The following SLCO5A1 variants were observed in gnomAD, a reference collection of about 807,000 sequenced individuals.
SLCO5A1 encodes the protein solute carrier organic anion transporter family member 5A1, also known as organic anion transporter polypeptide-related protein 4.
A neutral mutation model predicts 65.1 loss-of-function variants in SLCO5A1; 39 were observed. That is an observed-to-expected ratio of 0.60 (90% CI 0.46 to 0.78). The LOEUF (loss-of-function observed/expected upper bound fraction) is 0.78. SLCO5A1 is among the 30% of genes least tolerant of loss of function. The pLI, the probability that SLCO5A1 is intolerant of heterozygous loss-of-function variation, is 0.00. For synonymous variants in SLCO5A1, 438 were observed against 415.7 expected (o/e 1.05, Z -0.65); for missense variants, 1,029 against 1,069.4 (o/e 0.96, Z 0.53).
Position 69,824,732 on chromosome 8 carries a change from C to A in SLCO5A1, c.907+7035G>T, listed in dbSNP as rs527255490. On this transcript the variant is annotated intron_variant, in intron 2 of 9. Transcript: ENST00000260126. ...AACTGGTACCATTCCTTCTGAAACT[C>A]TTCCAATCAATAGAAAAAGAGGGAA... Among the ~76,000 whole-genome samples the A allele has an allele frequency of 5.3e-3, 807 of 152,162 alleles. 15 individuals carry two copies. Among genetic ancestry groups the A allele is most frequent in the African/African-American group, 0.018 (748 of 41,522 alleles).
chr8:69,832,476 A>G lies in SLCO5A1; in HGVS notation c.198T>C (p.Ser66=), dbSNP rs1019198084. ...CTTGCTTCAACTCCTGGTGGCCCGA[A>G]GAATCCACACAGCCAAAGGCCGGGT... ...DANPAFGCVD[S]SGHQELKQGP... is the part of the protein sequence containing the mutation. The change falls in exon 2 of 10, where the codon TCT becomes TCC. Residue 66 remains serine, a synonymous_variant. Coordinates refer to ENST00000260126, the MANE Select transcript of SLCO5A1 (RefSeq NM_030958.3). This position sits in a 1 kb window ranked among gnomAD's most constrained non-coding sequence, Gnocchi z 4.5. The G allele has an allele frequency of 6.2e-7, 1 of 1,612,786 alleles. No homozygotes were observed. Among genetic ancestry groups the G allele is most frequent in the African/African-American group, 1.3e-5 (1 of 75,036 alleles).
chr8:69,822,456 CT>C (rs1324800277), intron 2 of SLCO5A1, among the ~76,000 whole-genome samples: 1 of 152,226 alleles, frequency 6.6e-6, no homozygotes, highest in East Asian at 1.9e-4. Context: ...TACGAAAACA[CT>C]GATCAAAATG....
intron 6 of SLCO5A1, among the ~76,000 whole-genome samples, chr8:69,698,823 C>A (rs1004964819): frequency 6.6e-6 from 1 of 152,170 alleles, no homozygotes; most frequent in Admixed American, 6.5e-5. Context: ...TCCCTTTCCA[C>A]GGAAGTTATC....
chr8:69,772,447 C>T (rs930431401), intron 2 of SLCO5A1, among the ~76,000 whole-genome samples: 12 of 150,642 alleles, frequency 8.0e-5, no homozygotes, highest in African/African-American at 2.9e-4. Flanking sequence ...CCCTCCAGCC[C>T]GTGGGGTGAT....
intron 2 of SLCO5A1, among the ~76,000 whole-genome samples, chr8:69,829,975 T>G (rs1821089643): frequency 6.6e-6 from 1 of 152,228 alleles, no homozygotes. Context: ...GTGGGTATAC[T>G]GGTGCTTATT....
At chr8:69,711,720 G>A (rs570118656) in intron 5 of SLCO5A1, among the ~76,000 whole-genome samples, 1 of 152,282 alleles carries the variant, frequency 6.6e-6, no homozygotes, top group East Asian at 1.9e-4. Flanking sequence ...ACATTTCCAG[G>A]CCTCGGATTT....
At chr8:69,778,228 G>GT (rs1818645015) in intron 2 of SLCO5A1, among the ~76,000 whole-genome samples, 9 of 142,942 alleles carry the variant, frequency 6.3e-5, no homozygotes, top group Non-Finnish European at 1.4e-4. Context: ...ATATGTATGG[G>GT]GTGTGTGTGT....
intron 5 of SLCO5A1, among the ~76,000 whole-genome samples, chr8:69,715,532 C>T (rs564679598): frequency 3.2e-4 from 49 of 152,226 alleles, no homozygotes; most frequent in Middle Eastern, 6.8e-3. Flanking sequence ...CGTCATGACG[C>T]CCACTAATAG....
chr8:69,747,725 CT>C (rs1159608957), intron 4 of SLCO5A1, among the ~76,000 whole-genome samples: 2 of 152,198 alleles, frequency 1.3e-5, no homozygotes, highest in Non-Finnish European at 2.9e-5. Context: ...TATCTCTAAT[CT>C]TGCAGTTCCT....
chr8:69,726,523 A>G (rs1358883874), intron 5 of SLCO5A1, among the ~76,000 whole-genome samples: 1 of 135,510 alleles, frequency 7.4e-6, no homozygotes, highest in Non-Finnish European at 1.5e-5. Flanking sequence ...TTGGGGGGAC[A>G]GAGTCTCACT....
In SLCO5A1 at chr8:69,832,974, C is replaced by G. The variant is rs369342320; in HGVS notation, c.-301G>C. On this transcript the variant is annotated 5_prime_UTR_variant, in exon 2 of 10. Coordinates refer to ENST00000260126, the MANE Select transcript of SLCO5A1 (RefSeq NM_030958.3). The surrounding 1 kb of genome is among the most constrained non-coding windows in gnomAD (Gnocchi z 4.5). Reference sequence around the variant, plus strand: ...GCGGTAGCTTGAGGCAGGCGCCTCGCGCGTCCCGGGCTCATCCCCTCCGCC... The same window carrying G: ...GCGGTAGCTTGAGGCAGGCGCCTCGGGCGTCCCGGGCTCATCCCCTCCGCC... The G allele has an allele frequency of 5.1e-6, 2 of 389,078 alleles. No homozygotes were observed. Among genetic ancestry groups the G allele is most frequent in the South Asian group, 4.5e-5 (1 of 22,240 alleles). 24.1% of individuals were successfully genotyped at this position (389,078 alleles called of 1,614,324 possible).
At chr8:69,734,096 G>A (rs1184785756) in intron 5 of SLCO5A1, among the ~76,000 whole-genome samples, 5 of 152,132 alleles carry the variant, frequency 3.3e-5, no homozygotes, top group African/African-American at 7.2e-5. Context: ...TGATGCCCTC[G>A]TCAGACATTG....
intron 3 of SLCO5A1, among the ~76,000 whole-genome samples, chr8:69,760,472 T>A (rs992076153): frequency 6.6e-6 from 1 of 152,250 alleles, no homozygotes; most frequent in Non-Finnish European, 1.5e-5. Flanking sequence ...GGAGTTATGA[T>A]GTTATTATCA....
At chr8:69,715,791 T>C (rs1051613799) in intron 5 of SLCO5A1, among the ~76,000 whole-genome samples, 1 of 152,204 alleles carries the variant, frequency 6.6e-6, no homozygotes, top group Non-Finnish European at 1.5e-5. Flanking sequence ...ATTAGACATA[T>C]TGTGTTTCTT....
chr8:69,712,251 A>G (rs1262483390), intron 5 of SLCO5A1, among the ~76,000 whole-genome samples: 1 of 152,214 alleles, frequency 6.6e-6, no homozygotes, highest in Non-Finnish European at 1.5e-5. Context: ...GCAAATAGAC[A>G]TTAATTGTCC....
chr8:69,705,012 G>A lies in SLCO5A1; in HGVS notation c.1622+19C>T. ...ACCTCCATCGTGCAGACACGACACG[G>A]CTCTTAAGAGGTACTTACCCTGTTG... On this transcript the variant is annotated intron_variant, in intron 6 of 9. Coordinates refer to ENST00000260126, the MANE Select transcript of SLCO5A1 (RefSeq NM_030958.3). 1.2e-6 allele frequency: 2 copies of A among 1,604,288 alleles called. No homozygotes were observed. The highest frequency in any genetic ancestry group is 1.7e-6 in the Non-Finnish European group (2 of 1,177,870).
intron 5 of SLCO5A1, among the ~76,000 whole-genome samples, chr8:69,736,725 T>G (rs951603729): frequency 3.3e-5 from 5 of 152,350 alleles, no homozygotes; most frequent in African/African-American, 1.2e-4. Flanking sequence ...TTTGTTTAAC[T>G]CAGCAAGTTC....
chr8:69,678,464 G>T (rs1425696286), intron 8 of SLCO5A1, among the ~76,000 whole-genome samples: 1 of 152,166 alleles, frequency 6.6e-6, no homozygotes, highest in African/African-American at 2.4e-5. Context: ...TAAATTAAAA[G>T]AAATTAATCA....
At chr8:69,684,254 C>T (rs1813913296) in intron 6 of SLCO5A1, among the ~76,000 whole-genome samples, 3 of 152,152 alleles carry the variant, frequency 2.0e-5, no homozygotes. Context: ...GGACCTTTGG[C>T]AACGTCAGGA....
Sources: gnomAD v4.1 joint callset for allele counts (sites outside exome capture counted in the v4.1 genomes callset) on GRCh38, gnomAD v4.1.1 for gene constraint, Gnocchi (gnomAD v3.1) non-coding constraint, MANE v1.5 for transcripts, NCBI Gene and HGNC (gene_info 2026-07-23, HGNC 2026-07-21) for gene names.